ARL6: variants seen among roughly 807,000 people sequenced by gnomAD.
The protein encoded by ARL6 is ADP-ribosylation factor-like protein 6.
A neutral mutation model predicts 27.1 loss-of-function variants in ARL6; 18 were observed. The ratio of observed to expected loss-of-function variants is 0.66; its 90% confidence interval spans 0.46 to 0.98. The LOEUF (loss-of-function observed/expected upper bound fraction) is 0.98. Ranked by LOEUF, ARL6 falls within the 50% of genes least tolerant of loss-of-function variation. ARL6 has a pLI of 0.00. For synonymous variants in ARL6, 65 were observed against 72.3 expected, an observed-to-expected ratio of 0.90 and a Z score of 0.51; for missense variants, 187 against 214.9, an observed-to-expected ratio of 0.87 and a Z score of 0.81.
intron 2 of ARL6, among the ~76,000 whole-genome samples, chr3:97,774,664 C>T (rs1326578220): frequency 1.3e-5 from 2 of 152,128 alleles, no homozygotes; most frequent in South Asian, 2.1e-4. Context: ...TCAATGCCCT[C>T]ACTTCAACAG....
Position 97,788,063 on chromosome 3 carries a change from A to G in ARL6, c.423A>G (p.Val141=). 6.2e-7 allele frequency: 1 copy of G among 1,613,402 alleles called. No homozygotes were observed. Among genetic ancestry groups the G allele is most frequent in the East Asian group, 2.2e-5 (1 of 44,800 alleles). ...ATCTTAGAGATGCAGTGACATCTGT[A>G]AAAGTGTCTCAGTTGCTGTGTTTAG... ...KMDLRDAVTS[V]KVSQLLCLEN... Residue 141 remains valine (V), a synonymous_variant, in exon 6 of 8, where the codon GTA becomes GTG. Coordinates refer to ENST00000463745, the MANE Select transcript of ARL6 (RefSeq NM_001278293.3).
chr3:97,768,094 A>G lies in ARL6; in HGVS notation c.-14A>G. 1 of 1,612,496 alleles carries G rather than the reference A, an allele frequency of 6.2e-7. No homozygotes were observed. Among genetic ancestry groups the G allele is most frequent in the South Asian group, 1.1e-5 (1 of 91,028 alleles). On this transcript the variant is annotated 5_prime_UTR_variant, in exon 2 of 8. It adds an upstream start codon to the 5' untranslated region. Transcript: ENST00000463745. Reference sequence around the variant, plus strand: ...TCTTAATTGCAGCTGGTTTGTAAATATTTGAATCACATTATGGGATTGCTA... The same window carrying G: ...TCTTAATTGCAGCTGGTTTGTAAATGTTTGAATCACATTATGGGATTGCTA...
chr3:97,798,263 A>G lies in ARL6; in HGVS notation c.*214A>G. Reference sequence around the variant, plus strand: ...AAATATTCCCTCAAAAGGGCTCCCTAGAATTATCAAGTTCTTAGTGAAGGT... The same window carrying G: ...AAATATTCCCTCAAAAGGGCTCCCTGGAATTATCAAGTTCTTAGTGAAGGT... On this transcript the variant is annotated 3_prime_UTR_variant, in exon 8 of 8. Transcript: ENST00000463745. The G allele has an allele frequency of 1.8e-6, 1 of 544,782 alleles. No individual in the cohort carries two copies. Among genetic ancestry groups the G allele is most frequent in the Non-Finnish European group, 3.3e-6 (1 of 301,514 alleles). 33.7% of individuals were successfully genotyped at this position (544,782 alleles called of 1,614,324 possible). A position where few individuals can be genotyped will look rare whatever the true frequency, so the allele number is the denominator to read the frequency against.
At chr3:97,792,482 A>G (rs2037788099) in intron 7 of ARL6, among the ~76,000 whole-genome samples, 1 of 152,202 alleles carries the variant, frequency 6.6e-6, no homozygotes, top group Non-Finnish European at 1.5e-5. Flanking sequence ...ACTCCATCTC[A>G]AGAAAAAAAG....
At chr3:97,766,182 G>A (rs539427414) in intron 1 of ARL6, 4 of 152,194 alleles carry the variant, frequency 2.6e-5, no homozygotes, top group South Asian at 2.1e-4. Flanking sequence ...AGAAGTTGTC[G>A]TTTTTAAAAC....
rs190122453 is a variant in ARL6, at chr3:97,783,418, A to C, written c.255-1537A>C. ...TAATATTTTTTCACACAGCTTTGCC[A>C]AAATTTCTTTAACCATTTCTCTACT... On this transcript the variant is annotated intron_variant, in intron 4 of 7. Coordinates refer to ENST00000463745, the MANE Select transcript of ARL6 (RefSeq NM_001278293.3). Among the ~76,000 whole-genome samples, 12 of 151,962 alleles carry C rather than the reference A, an allele frequency of 7.9e-5. No homozygotes were observed. In the East Asian group the frequency reaches 2.1e-3, roughly 27 times the overall value.
intron 6 of ARL6, among the ~76,000 whole-genome samples, chr3:97,790,442 A>G (rs1235091426): frequency 1.3e-5 from 2 of 152,128 alleles, no homozygotes; most frequent in African/African-American, 2.4e-5. Context: ...ACCAGGGGTC[A>G]TATCACACAG....
chr3:97,781,898 A>G (rs2037218993), intron 4 of ARL6, among the ~76,000 whole-genome samples: 1 of 152,090 alleles, frequency 6.6e-6, no homozygotes, highest in South Asian at 2.1e-4. Context: ...ATTTAGATTT[A>G]GATTAACTCT....
intron 2 of ARL6, among the ~76,000 whole-genome samples, chr3:97,778,252 G>A (rs2037005953): frequency 6.6e-6 from 1 of 151,960 alleles, no homozygotes; most frequent in Non-Finnish European, 1.5e-5. Flanking sequence ...CTTAGTGGCA[G>A]GAAATGAATT....
chr3:97,774,116 C>T (rs994180198), intron 2 of ARL6, among the ~76,000 whole-genome samples: 3 of 152,108 alleles, frequency 2.0e-5, no homozygotes, highest in Non-Finnish European at 4.4e-5. Flanking sequence ...CTTGATAGTC[C>T]CGGATAGTCA....
intron 1 of ARL6, among the ~76,000 whole-genome samples, chr3:97,767,190 T>C (rs1324257383): frequency 6.6e-6 from 1 of 152,062 alleles, no homozygotes; most frequent in Non-Finnish European, 1.5e-5. Context: ...AAATGAACAC[T>C]TTAGGGACAA....
At chr3:97,788,533 T>G (rs568243986) in intron 6 of ARL6, among the ~76,000 whole-genome samples, 1 of 152,132 alleles carries the variant, frequency 6.6e-6, no homozygotes, top group Non-Finnish European at 1.5e-5. Context: ...TGCTTTTTTT[T>G]TTGTTTATAG....
chr3:97,790,021 C>T (rs957442631), intron 6 of ARL6, among the ~76,000 whole-genome samples: 1 of 147,944 alleles, frequency 6.8e-6, no homozygotes, highest in African/African-American at 2.5e-5. Context: ...CCTTCAGATG[C>T]GTTCTTTGAC....
At chr3:97,773,803 G>A (rs1025432610) in intron 2 of ARL6, among the ~76,000 whole-genome samples, 7 of 152,206 alleles carry the variant, frequency 4.6e-5, no homozygotes, top group Admixed American at 1.3e-4. Flanking sequence ...TGGTCATGTG[G>A]TCACAGCTGG....
At position 97,767,844 on chromosome 3, in the gene ARL6, A is replaced by C. The variant is rs73137076; in HGVS notation, c.-27-237A>C. Among the ~76,000 whole-genome samples, 512 of 152,206 alleles carry C rather than the reference A, an allele frequency of 3.4e-3. 5 individuals carry two copies. The highest frequency in any genetic ancestry group is 6.0e-3 in the Non-Finnish European group (405 of 67,958). On this transcript the variant is annotated intron_variant, in intron 1 of 7. Coordinates refer to ENST00000463745, the MANE Select transcript of ARL6 (RefSeq NM_001278293.3). ...ATAAATTACAGAGAGAAATGTTGTT[A>C]TTTCCAAGGCATTGTTCTGTGTTGC...
At chr3:97,782,403 G>C (rs1462177469) in intron 4 of ARL6, among the ~76,000 whole-genome samples, 3 of 151,802 alleles carry the variant, frequency 2.0e-5, no homozygotes, top group African/African-American at 7.2e-5. Flanking sequence ...TTCTAGAATA[G>C]AGTGGTTACA....
At chr3:97,775,304 A>G (rs2036837378) in intron 2 of ARL6, among the ~76,000 whole-genome samples, 1 of 152,366 alleles carries the variant, frequency 6.6e-6, no homozygotes, top group South Asian at 2.1e-4. Flanking sequence ...ACGTGATCAC[A>G]GAGTCCCACA....
intron 7 of ARL6, among the ~76,000 whole-genome samples, chr3:97,797,096 T>G (rs1294325350): frequency 2.6e-5 from 4 of 152,006 alleles, no homozygotes; most frequent in African/African-American, 9.7e-5. Context: ...CCCAGGATAT[T>G]AATGGAGACC....
Position 97,798,016 on chromosome 3 carries a change from G to C in ARL6, c.536-8G>C. The C allele has an allele frequency of 6.2e-7, 1 of 1,612,352 alleles. No homozygotes were observed. Among genetic ancestry groups the C allele is most frequent in the South Asian group, 1.1e-5 (1 of 90,926 alleles). ...GATTGATAATTTTTGTTTGTTTTTT[G>C]TTATCAGATCAGATCCAGACTGTGA... On this transcript the variant is annotated splice_region_variant and splice_polypyrimidine_tract_variant and intron_variant, in intron 7 of 7. Transcript: ENST00000463745.
Sources: allele counts gnomAD v4.1 joint callset (sites outside exome capture counted in the v4.1 genomes callset), GRCh38; gene constraint gnomAD v4.1.1; transcripts MANE v1.5; gene names NCBI Gene and HGNC (gene_info 2026-07-23, HGNC 2026-07-21).